THSD7B: variants seen among roughly 807,000 people sequenced by gnomAD.
THSD7B encodes thrombospondin type-1 domain-containing protein 7B.
Under a neutral mutation model 213.6 loss-of-function variants are expected in THSD7B, and 138 were observed. The observed-to-expected ratio is 0.65, with a 90% CI of 0.56 to 0.74. The LOEUF is 0.74. Among genes scored for constraint, THSD7B ranks in the 30% least tolerant of loss-of-function variants. The pLI is 0.00. For synonymous variants in THSD7B, 742 were observed against 687.0 expected (o/e 1.08, Z -1.25); for missense variants, 1,931 against 1,991.5 (o/e 0.97, Z 0.58).
rs571990853 is a variant in THSD7B, at chr2:137,188,151, A to G, written c.1723+17213A>G. Reference sequence around the variant, plus strand: ...ATGTAGGAATCAAGATGTAAGAGCTAAAAGAATCGTAGGCATTGAATTCAA... The same window carrying G: ...ATGTAGGAATCAAGATGTAAGAGCTGAAAGAATCGTAGGCATTGAATTCAA... On this transcript the variant is annotated intron_variant, in intron 7 of 27. Transcript: ENST00000409968. 2.6e-4 allele frequency among the ~76,000 whole-genome samples: 40 copies of G among 152,312 alleles called. 1 individual carries two copies. The highest frequency in any genetic ancestry group is 2.0e-3 in the Admixed American group (31 of 15,294).
At chr2:137,317,081 T>A (rs982213299) in intron 12 of THSD7B, among the ~76,000 whole-genome samples, 1 of 152,214 alleles carries the variant, frequency 6.6e-6, no homozygotes, top group African/African-American at 2.4e-5. Flanking sequence ...ATCCATGAAA[T>A]ATAGTTGACA....
At chr2:136,861,649 C>T (rs1003265886) in intron 1 of THSD7B, among the ~76,000 whole-genome samples, 22 of 152,254 alleles carry the variant, frequency 1.4e-4, no homozygotes, top group African/African-American at 5.1e-4. Flanking sequence ...GTTGCTGTTA[C>T]TGACTCTCCC....
intron 12 of THSD7B, among the ~76,000 whole-genome samples, chr2:137,299,311 G>T (rs1310709691): frequency 6.6e-6 from 1 of 152,070 alleles, no homozygotes; most frequent in Non-Finnish European, 1.5e-5. Flanking sequence ...TATCTAGGAA[G>T]TAACTGGCTT....
At chr2:137,294,433 A>G (rs1683408041) in intron 12 of THSD7B, among the ~76,000 whole-genome samples, 1 of 151,882 alleles carries the variant, frequency 6.6e-6, no homozygotes, top group African/African-American at 2.4e-5. Context: ...AAATACAAAA[A>G]TTAGCTGGAC....
chr2:137,598,161 C>A (rs2104820138), intron 17 of THSD7B, among the ~76,000 whole-genome samples: 1 of 152,172 alleles, frequency 6.6e-6, no homozygotes, highest in Admixed American at 6.6e-5. Flanking sequence ...CTAACAAATT[C>A]CAAGACATTA....
At chr2:137,471,716 G>C (rs147339753) in intron 15 of THSD7B, among the ~76,000 whole-genome samples, 1 of 152,078 alleles carries the variant, frequency 6.6e-6, no homozygotes, top group African/African-American at 2.4e-5. Context: ...GAACTTTGGG[G>C]TCCAGGGCTT....
intron 12 of THSD7B, among the ~76,000 whole-genome samples, chr2:137,385,950 T>C (rs1220056050): frequency 6.6e-6 from 1 of 152,234 alleles, no homozygotes; most frequent in Non-Finnish European, 1.5e-5. Flanking sequence ...ATTTTAACCA[T>C]GATTTCCACA....
intron 3 of THSD7B, among the ~76,000 whole-genome samples, chr2:137,064,973 T>G (rs78885894): frequency 1.7e-3 from 259 of 152,036 alleles, no homozygotes; most frequent in African/African-American, 5.9e-3. Flanking sequence ...TGTTGTTGTT[T>G]TTTCAGGTTA....
chr2:137,058,381 T>C (rs2104878652), intron 3 of THSD7B, among the ~76,000 whole-genome samples: 1 of 152,332 alleles, frequency 6.6e-6, no homozygotes, highest in African/African-American at 2.4e-5. Context: ...TAATATTCCG[T>C]ACTGTATTGC....
In THSD7B at chr2:137,153,576, A is replaced by G. The variant is rs78425759; in HGVS notation, c.1370-6637A>G. On this transcript the variant is annotated intron_variant, in intron 5 of 27. Coordinates refer to ENST00000409968, the MANE Select transcript of THSD7B (RefSeq NM_001316349.2). The stretch of plus-strand genomic sequence containing the variant: ...AGTTCTAGGAGACAGATTTTATTCT[A>G]TTTACTAAGTTAAAAGACTGATTCA... 5.8e-4 allele frequency among the ~76,000 whole-genome samples: 89 copies of G among 152,248 alleles called. No individual in the cohort carries two copies. The East Asian group carries it at 0.012, about 20-fold the overall frequency.
intron 27 of THSD7B, 114 bp from the exon 28 acceptor site, chr2:137,676,410 A>G (rs1403489638): frequency 1.1e-6 from 1 of 949,510 alleles, no homozygotes; most frequent in Middle Eastern, 2.1e-4. Context: ...ATCTAGAGAA[A>G]TGAATCTTTT....
chr2:137,298,031 T>C (rs565583080), intron 12 of THSD7B, among the ~76,000 whole-genome samples: 1 of 152,108 alleles, frequency 6.6e-6, no homozygotes, highest in African/African-American at 2.4e-5. Context: ...TTGGAACAAT[T>C]TGGAGGGCTC....
At chr2:137,568,405 C>T (rs954889129) in intron 16 of THSD7B, among the ~76,000 whole-genome samples, 4 of 152,184 alleles carry the variant, frequency 2.6e-5, no homozygotes, top group East Asian at 1.9e-4. Context: ...TCTTTACTCT[C>T]GGGCTTGTCA....
intron 3 of THSD7B, among the ~76,000 whole-genome samples, chr2:137,070,421 G>A (rs1283871372): frequency 6.6e-6 from 1 of 151,592 alleles, no homozygotes; most frequent in Non-Finnish European, 1.5e-5. Context: ...ACAATCTACT[G>A]CACTTGTATT....
intron 15 of THSD7B, among the ~76,000 whole-genome samples, chr2:137,507,226 C>T (rs1310766608): frequency 2.6e-5 from 4 of 152,160 alleles, no homozygotes; most frequent in East Asian, 1.9e-4. Flanking sequence ...AGTAACCTTC[C>T]GGCTTCTCTT....
intron 12 of THSD7B, among the ~76,000 whole-genome samples, chr2:137,323,847 T>C (rs1403818895): frequency 1.3e-5 from 2 of 152,202 alleles, no homozygotes; most frequent in African/African-American, 4.8e-5. Flanking sequence ...CGAATGAGAT[T>C]CTGTTTGACA....
chr2:137,148,257 TAA>T (rs1679745313), intron 5 of THSD7B, among the ~76,000 whole-genome samples: 1 of 152,150 alleles, frequency 6.6e-6, no homozygotes, highest in Admixed American at 6.5e-5. Flanking sequence ...ACCATGATTA[TAA>T]GTTTCCTGAG....
intron 15 of THSD7B, among the ~76,000 whole-genome samples, chr2:137,524,867 G>A (rs1266952001): frequency 6.6e-6 from 1 of 152,154 alleles, no homozygotes; most frequent in East Asian, 1.9e-4. Flanking sequence ...TGAATATTTT[G>A]AATGTCATCA....
At chr2:137,509,706 C>T (rs1334315810) in intron 15 of THSD7B, among the ~76,000 whole-genome samples, 1 of 152,146 alleles carries the variant, frequency 6.6e-6, no homozygotes, top group Non-Finnish European at 1.5e-5. Context: ...TGAGTTTTGG[C>T]TACTACCAAA....
Sources: gnomAD v4.1 joint callset for allele counts (sites outside exome capture counted in the v4.1 genomes callset) on GRCh38, gnomAD v4.1.1 for gene constraint, MANE v1.5 for transcripts, NCBI Gene and HGNC (gene_info 2026-07-23, HGNC 2026-07-21) for gene names.